Variants in RP1 observed in about 807,000 individuals in gnomAD.
RP1 encodes RP1 axonemal microtubule associated, also known as oxygen-regulated protein 1.
A neutral mutation model predicts 14.8 loss-of-function variants in RP1; 16 were observed. The ratio of observed to expected loss-of-function variants is 1.08; its 90% CI spans 0.73 to 1.65. The LOEUF (loss-of-function observed/expected upper bound fraction) is 1.65. RP1 is among the 40% of genes most tolerant of loss of function. The probability of loss-of-function intolerance (pLI) is 0.00; values close to 1 mark genes in which losing one functional copy is unlikely to be tolerated. For synonymous variants in RP1, 876 were observed against 883.6 expected, an observed-to-expected ratio of 0.99 and a Z score of 0.15; for missense variants, 2,631 against 2,535.0, an observed-to-expected ratio of 1.04 and a Z score of -0.81.
exon 16 of RP1, chr8:54,720,268 A>G: frequency 6.5e-7 from 1 of 1,535,860 alleles, no homozygotes; most frequent in Admixed American, 2.0e-5. Flanking sequence ...ATTTATACCA[A>G]GGATGAGAAT....
rs564098006 is a variant in RP1 at position 54,792,356 on chromosome 8, C to G, written c.3615+8646C>G. On this transcript the variant is annotated intron_variant, in intron 24 of 28. Transcript: ENST00000637698. Reference sequence around the variant, plus strand: ...CATGGGTTTGAACAATACTGTAAACCCAGTGAACCTAACAGACATATACAG... The same window carrying G: ...CATGGGTTTGAACAATACTGTAAACGCAGTGAACCTAACAGACATATACAG... Among the ~76,000 whole-genome samples the G allele has an allele frequency of 4.0e-5, 6 of 151,898 alleles. No homozygotes were observed. In the East Asian group the frequency reaches 5.8e-4, roughly 15 times the overall value.
chr8:54,784,642 T>A (rs1810273859), intron 24 of RP1, among the ~76,000 whole-genome samples: 1 of 152,134 alleles, frequency 6.6e-6, no homozygotes, highest in South Asian at 2.1e-4. Context: ...TGTAAAAGTA[T>A]CTGATTTACA....
At chr8:54,636,717 G>A (rs533467137) in intron 3 of RP1, among the ~76,000 whole-genome samples, 4 of 152,174 alleles carry the variant, frequency 2.6e-5, no homozygotes, top group South Asian at 2.1e-4. Flanking sequence ...CAGCCTGGGC[G>A]GCAAGAGCAA....
At chr8:54,612,660 T>C (rs1046624994), upstream of RP1, among the ~76,000 whole-genome samples, 4 of 152,192 alleles carry the variant, frequency 2.6e-5, no homozygotes, top group Non-Finnish European at 4.4e-5. Flanking sequence ...CTCAAAATCC[T>C]TCCTTGGTTT....
At position 54,629,974 on chromosome 8, in the gene RP1, G is replaced by A. The variant is rs1166108338; in HGVS notation, c.6092G>A (p.Arg2031Lys). The A allele has an allele frequency of 6.2e-7, 1 of 1,613,646 alleles. No homozygotes were observed. The highest frequency in any genetic ancestry group is 8.5e-7 in the Non-Finnish European group (1 of 1,179,710). ...LKKFQPDLKE[R>K]FCMNFLHTSL... ...AAATTTCAACCAGATTTGAAGGAAA[G>A]GTTTTGTATGAATTTCTTGCACACA... Residue 2031 changes from arginine (R) to lysine (K), a missense_variant, in exon 4 of 4, where the codon AGG (arginine) becomes AAG (lysine). By Grantham distance (26) the Arg-to-Lys change is conservative. Transcript: ENST00000220676.
chr8:54,742,037 A>C (rs1267331994), intron 19 of RP1, among the ~76,000 whole-genome samples: 1 of 151,922 alleles, frequency 6.6e-6, no homozygotes, highest in Non-Finnish European at 1.5e-5. Flanking sequence ...TCCTCAGTAA[A>C]TGGTCTTATT....
At chr8:54,666,674 C>T (rs1807024575) in intron 7 of RP1, among the ~76,000 whole-genome samples, 2 of 152,038 alleles carry the variant, frequency 1.3e-5, no homozygotes. Context: ...AGTTAAAGCC[C>T]TGACCCCGGG....
chr8:54,860,906 G>T (rs949993646), intron 27 of RP1, among the ~76,000 whole-genome samples: 1 of 152,220 alleles, frequency 6.6e-6, no homozygotes, highest in Admixed American at 6.5e-5. Context: ...AATGTGGTAG[G>T]TAGGCTGGAG....
chr8:54,846,613 A>G (rs972034851), intron 25 of RP1, among the ~76,000 whole-genome samples: 3 of 152,198 alleles, frequency 2.0e-5, no homozygotes, highest in Non-Finnish European at 4.4e-5. Flanking sequence ...AATCTTAATC[A>G]TTTTGACTCC....
chr8:54,705,805 A>T (rs1279330441), intron 14 of RP1, among the ~76,000 whole-genome samples: 1 of 145,364 alleles, frequency 6.9e-6, no homozygotes, highest in African/African-American at 2.7e-5. Context: ...AGAGGAACAG[A>T]TATCCAATTT....
At chr8:54,563,819 G>A (rs1214277459) in intron 1 of RP1, among the ~76,000 whole-genome samples, 2 of 152,158 alleles carry the variant, frequency 1.3e-5, no homozygotes, top group Non-Finnish European at 2.9e-5. Context: ...AAAGTGTTGG[G>A]ATTATAGACA....
intron 6 of RP1, among the ~76,000 whole-genome samples, chr8:54,662,262 G>T (rs757568510): frequency 2.0e-5 from 3 of 152,108 alleles, no homozygotes; most frequent in Non-Finnish European, 4.4e-5. Flanking sequence ...TTAGTATATA[G>T]TTGACTACTG....
chr8:54,604,370 G>A (rs1356253700), intron 1 of RP1, among the ~76,000 whole-genome samples: 3 of 152,172 alleles, frequency 2.0e-5, no homozygotes, highest in Non-Finnish European at 4.4e-5. Flanking sequence ...AACCAGCCTT[G>A]CATCCCAGGG....
rs766347034 is a variant in RP1 at position 54,656,173 on chromosome 8, C to T, written c.1129C>T (p.Arg377Ter). 45 of 1,535,510 alleles carry T rather than the reference C, an allele frequency of 2.9e-5. No homozygotes were observed. The East Asian group carries it at 8.6e-4, about 29-fold the overall frequency. ...AGATCAAGAGGATGGGGAAATCTGT[C>T]GAGAATTTCCTCTTTTAAGTAAAGG... Residue 377 changes from arginine to a stop codon, truncating the protein, a stop_gained, in exon 6 of 23, where the codon CGA becomes TGA. Coordinates refer to the RP1 transcript ENST00000636932. LOFTEE classifies it high-confidence loss of function.
chr8:54,847,854 C>T (rs762145999), intron 25 of RP1, among the ~76,000 whole-genome samples: 12 of 152,226 alleles, frequency 7.9e-5, no homozygotes, highest in Admixed American at 6.5e-5. Context: ...CTGTTCAGGG[C>T]TAGTCCCCGG....
chr8:54,778,353 CT>C (rs1810093777), intron 23 of RP1, among the ~76,000 whole-genome samples: 1 of 131,912 alleles, frequency 7.6e-6, no homozygotes, highest in Admixed American at 8.8e-5. Context: ...GAGATGGAGT[CT>C]CACTCTGTTG....
At chr8:54,747,272 C>T (rs1809248953) in intron 19 of RP1, among the ~76,000 whole-genome samples, 1 of 152,182 alleles carries the variant, frequency 6.6e-6, no homozygotes, top group Admixed American at 6.5e-5. Context: ...CCCCTGCCCA[C>T]CTCTTTCTCG....
At chr8:54,828,741 T>C (rs939802164) in intron 24 of RP1, among the ~76,000 whole-genome samples, 4 of 152,150 alleles carry the variant, frequency 2.6e-5, no homozygotes, top group African/African-American at 9.7e-5. Flanking sequence ...AGTAGGCTTG[T>C]TTACACCAAC....
intron 9 of RP1, chr8:54,679,282 C>T: frequency 1.4e-6 from 1 of 713,374 alleles, no homozygotes; most frequent in Admixed American, 2.4e-5. Context: ...CCATTCTGTA[C>T]TGCTCTGCCT....
Sources: allele counts gnomAD v4.1 joint callset (sites outside exome capture counted in the v4.1 genomes callset), GRCh38; gene constraint gnomAD v4.1.1; transcripts MANE v1.5; gene names NCBI Gene and HGNC (gene_info 2026-07-23, HGNC 2026-07-21).